The following NFATC3 variants were observed in gnomAD, a reference collection of about 807,000 sequenced individuals.
NFATC3 encodes the protein nuclear factor of activated T-cells, cytoplasmic 3.
A neutral mutation model predicts 98.6 loss-of-function variants in NFATC3; 46 were observed. The observed-to-expected ratio is 0.47, with a 90% CI of 0.37 to 0.60. The LOEUF is 0.60. NFATC3 is among the 20% of genes least tolerant of loss of function. NFATC3 has a pLI of 0.00. For synonymous variants in NFATC3, 512 were observed against 472.2 expected, an observed-to-expected ratio of 1.08 and a Z score of -1.09; for missense variants, 1,256 against 1,295.5, an observed-to-expected ratio of 0.97 and a Z score of 0.47.
chr16:68,097,436 A>G (rs2035076181), intron 1 of NFATC3, among the ~76,000 whole-genome samples: 1 of 152,242 alleles, frequency 6.6e-6, no homozygotes, highest in Non-Finnish European at 1.5e-5. Flanking sequence ...TGGAAATATA[A>G]GTGTAGAGCT....
At chr16:68,092,731 A>G (rs998577290) in intron 1 of NFATC3, among the ~76,000 whole-genome samples, 2 of 152,082 alleles carry the variant, frequency 1.3e-5, no homozygotes, top group Admixed American at 6.6e-5. Flanking sequence ...TTTCTTAAAA[A>G]CAAAAACAAA....
intron 4 of NFATC3, among the ~76,000 whole-genome samples, chr16:68,165,401 T>TC (rs2039144381): frequency 6.8e-6 from 1 of 147,488 alleles, no homozygotes; most frequent in Admixed American, 6.7e-5. Flanking sequence ...TCTTTTTTTT[T>TC]TTTTTTTTTG....
chr16:68,202,785 C>A (rs997109857), intron 9 of NFATC3, among the ~76,000 whole-genome samples: 4 of 151,882 alleles, frequency 2.6e-5, no homozygotes, highest in African/African-American at 7.3e-5. Flanking sequence ...GCACTCCAGC[C>A]TGGGCAACAG....
At chr16:68,216,217 T>C (rs1027435615) in intron 9 of NFATC3, among the ~76,000 whole-genome samples, 1 of 152,144 alleles carries the variant, frequency 6.6e-6, no homozygotes, top group Non-Finnish European at 1.5e-5. Flanking sequence ...GAGTCAACAA[T>C]GGACAAGATT....
At chr16:68,144,282 A>G (rs1411651036) in intron 3 of NFATC3, among the ~76,000 whole-genome samples, 2 of 152,170 alleles carry the variant, frequency 1.3e-5, no homozygotes, top group African/African-American at 4.8e-5. Context: ...ATATAATACT[A>G]ACTGTTGTCA....
intron 4 of NFATC3, among the ~76,000 whole-genome samples, chr16:68,166,512 A>G (rs777704766): frequency 7.2e-5 from 11 of 152,160 alleles, no homozygotes; most frequent in Non-Finnish European, 1.6e-4. Context: ...GCCACACTCC[A>G]TTTGTCAAAG....
chr16:68,158,874 C>T (rs1400439581), intron 4 of NFATC3, among the ~76,000 whole-genome samples: 1 of 152,200 alleles, frequency 6.6e-6, no homozygotes, highest in East Asian at 1.9e-4. Flanking sequence ...CTCTACATCT[C>T]ATTGATCATG....
intron 4 of NFATC3, among the ~76,000 whole-genome samples, chr16:68,162,898 G>A (rs1350854026): frequency 3.3e-5 from 5 of 151,922 alleles, no homozygotes; most frequent in Admixed American, 6.6e-5. Context: ...GCCGCCTTCC[G>A]CAGTGTTTGT....
intron 9 of NFATC3, among the ~76,000 whole-genome samples, chr16:68,198,895 A>G (rs1202935230): frequency 2.0e-5 from 3 of 152,060 alleles, no homozygotes; most frequent in African/African-American, 7.2e-5. Context: ...AAAATACAAA[A>G]AAACTAGCCA....
chr16:68,180,094 C>T (rs1326518093), intron 6 of NFATC3, among the ~76,000 whole-genome samples: 2 of 152,114 alleles, frequency 1.3e-5, no homozygotes, highest in Non-Finnish European at 2.9e-5. Context: ...CATTTCTCAC[C>T]TAGGTTATTC....
chr16:68,141,128 A>G (rs894220072), intron 3 of NFATC3, among the ~76,000 whole-genome samples: 1 of 152,176 alleles, frequency 6.6e-6, no homozygotes, highest in Non-Finnish European at 1.5e-5. Context: ...GTTGCTGCAA[A>G]AGACATTATC....
chr16:68,199,985 T>G (rs924556293), intron 9 of NFATC3: 1 of 152,206 alleles, frequency 6.6e-6, no homozygotes, highest in Non-Finnish European at 1.5e-5. Context: ...TTCCCTAGCT[T>G]CTTTGGAACA....
At chr16:68,103,860 C>T (rs1312675995) in intron 1 of NFATC3, among the ~76,000 whole-genome samples, 2 of 152,152 alleles carry the variant, frequency 1.3e-5, no homozygotes, top group African/African-American at 2.4e-5. Flanking sequence ...CATAGATATT[C>T]GGGTTTATTT....
At chr16:68,215,977 C>A (rs968758193) in intron 9 of NFATC3, among the ~76,000 whole-genome samples, 1 of 152,180 alleles carries the variant, frequency 6.6e-6, no homozygotes, top group Non-Finnish European at 1.5e-5. Flanking sequence ...ATCCGCCCAC[C>A]TTGGCCTCCC....
At chr16:68,209,144 C>G (rs2041270176) in intron 9 of NFATC3, among the ~76,000 whole-genome samples, 1 of 152,038 alleles carries the variant, frequency 6.6e-6, no homozygotes, top group African/African-American at 2.4e-5. Context: ...TGGCCTTTTT[C>G]ATATTGAGGA....
At chr16:68,188,334 G>A (rs868734473) in intron 8 of NFATC3, among the ~76,000 whole-genome samples, 35 of 152,256 alleles carry the variant, frequency 2.3e-4, no homozygotes, top group Admixed American at 4.6e-4. Flanking sequence ...TCCTGCTACC[G>A]CCCCTCTCCC....
intron 9 of NFATC3, chr16:68,221,588 A>G: frequency 5.5e-6 from 6 of 1,093,520 alleles, no homozygotes; most frequent in Non-Finnish European, 6.7e-6. Flanking sequence ...CAAGATAGAG[A>G]AAGTCTGCCC....
chr16:68,138,862 C>T (rs1198923505), intron 3 of NFATC3: 2 of 1,072,338 alleles, frequency 1.9e-6, no homozygotes, highest in Non-Finnish European at 2.4e-6. Flanking sequence ...AATACGGGCT[C>T]TAGAGCCAGA....
chr16:68,158,180 G>A, intron 4 of NFATC3, 112 bp downstream of exon 4: 3 of 664,130 alleles, frequency 4.5e-6, no homozygotes, highest in South Asian at 2.5e-5. Flanking sequence ...ATGGCATTAT[G>A]TAAATAATGT....
Sources: gnomAD v4.1 joint callset for allele counts (sites outside exome capture counted in the v4.1 genomes callset) on GRCh38, gnomAD v4.1.1 for gene constraint, MANE v1.5 for transcripts, NCBI Gene and HGNC (gene_info 2026-07-23, HGNC 2026-07-21) for gene names.